The following ST7L variants were observed in gnomAD, a reference collection of about 807,000 sequenced individuals.
The protein encoded by ST7L is suppression of tumorigenicity 7 like, also known as suppressor of tumorigenicity 7 protein-like.
In ST7L, 57 loss-of-function variants were observed where a neutral mutation model predicts 72.5. The observed-to-expected ratio is 0.79, with a 90% CI of 0.64 to 0.98. The LOEUF is 0.98. ST7L is among the 50% of genes least tolerant of loss of function. The pLI is 0.00. For synonymous variants in ST7L, 221 were observed against 240.9 expected (o/e 0.92, Z 0.77); for missense variants, 576 against 672.2 (o/e 0.86, Z 1.58).
At position 112,558,616 on chromosome 1, in the gene ST7L, C is replaced by G. The variant is rs144231419; in HGVS notation, c.1246-2598G>C. 3.7e-4 allele frequency among the ~76,000 whole-genome samples: 57 copies of G among 152,292 alleles called. 2 individuals are homozygous for G. In the East Asian group the frequency reaches 0.01, roughly 27 times the overall value. On this transcript the variant is annotated intron_variant, in intron 11 of 14. Transcript: ENST00000358039. ...CATCAATTTATTTTACCAGATGTCACAAACTATGAGATTATTTACTAATCC... is the reference window on the plus strand; with the variant it reads ...CATCAATTTATTTTACCAGATGTCAGAAACTATGAGATTATTTACTAATCC...
intron 11 of ST7L, among the ~76,000 whole-genome samples, chr1:112,556,892 C>T (rs1659202204): frequency 7.0e-6 from 1 of 142,978 alleles, no homozygotes; most frequent in Non-Finnish European, 1.5e-5. Context: ...CACTTGAACC[C>T]GGGAGGCGGA....
At chr1:112,619,281 G>T, upstream of ST7L, 1 of 652,344 alleles carries the variant, frequency 1.5e-6, no homozygotes, top group South Asian at 1.9e-5. Context: ...CTCAAGATTG[G>T]GGCTACCTGT....
intron 6 of ST7L, among the ~76,000 whole-genome samples, chr1:112,589,589 T>C (rs1396364058): frequency 1.3e-5 from 2 of 152,234 alleles, no homozygotes; most frequent in Non-Finnish European, 2.9e-5. Context: ...TTATAAAATC[T>C]ATATTATCTG....
intron 3 of ST7L, among the ~76,000 whole-genome samples, chr1:112,609,509 CTA>C (rs1311565689): frequency 7.4e-6 from 1 of 134,662 alleles, no homozygotes; most frequent in Non-Finnish European, 1.6e-5. Flanking sequence ...CTAGCCTGGG[CTA>C]CAGAGACTTC....
chr1:112,579,401 C>CAA (rs1663740978), intron 9 of ST7L, among the ~76,000 whole-genome samples: 1 of 104,716 alleles, frequency 9.5e-6, no homozygotes, highest in African/African-American at 3.5e-5. Context: ...AAAAAAAAAA[C>CAA]AATAAAAAAA....
chr1:112,617,943 A>T, intron 1 of ST7L: 1 of 1,266,104 alleles, frequency 7.9e-7, no homozygotes, highest in Non-Finnish European at 1.0e-6. Flanking sequence ...TTAGAGTGCT[A>T]GTTATATTTG....
chr1:112,609,269 C>T (rs1438694732), intron 3 of ST7L, among the ~76,000 whole-genome samples: 4 of 152,146 alleles, frequency 2.6e-5, no homozygotes, highest in Non-Finnish European at 5.9e-5. Context: ...CAGTGGCTCA[C>T]GCCTGTAATC....
intron 14 of ST7L, among the ~76,000 whole-genome samples, chr1:112,536,037 G>T (rs1655154796): frequency 6.6e-6 from 1 of 152,106 alleles, no homozygotes; most frequent in Admixed American, 6.6e-5. Context: ...ATTTTGACCT[G>T]TCACACAATA....
intron 5 of ST7L, among the ~76,000 whole-genome samples, chr1:112,597,659 G>A (rs1666680592): frequency 6.6e-6 from 1 of 152,146 alleles, no homozygotes; most frequent in Non-Finnish European, 1.5e-5. Flanking sequence ...TCTATTTTAT[G>A]TATAATTGCA....
At chr1:112,570,328 T>G (rs533662126) in intron 11 of ST7L, among the ~76,000 whole-genome samples, 1 of 152,040 alleles carries the variant, frequency 6.6e-6, no homozygotes, top group South Asian at 2.1e-4. Flanking sequence ...TAAAAGCAAA[T>G]TCATTGCTTG....
intron 6 of ST7L, among the ~76,000 whole-genome samples, chr1:112,590,155 T>C (rs2101941123): frequency 6.6e-6 from 1 of 152,300 alleles, no homozygotes; most frequent in Non-Finnish European, 1.5e-5. Flanking sequence ...AAGCAAGCCC[T>C]TTGAGCTAGT....
At chr1:112,564,817 C>CAAAAAA in intron 11 of ST7L, among the ~76,000 whole-genome samples, 1 of 43,128 alleles carries the variant, frequency 2.3e-5, no homozygotes, top group Non-Finnish European at 6.0e-5. Context: ...AACTGCATCT[C>CAAAAAA]AAAAAAAAAA....
At chr1:112,553,094 AAAACAAAAC>A (rs1296984497) in intron 12 of ST7L, among the ~76,000 whole-genome samples, 4 of 151,998 alleles carry the variant, frequency 2.6e-5, no homozygotes, top group Non-Finnish European at 5.9e-5. Context: ...AGACTTAAAA[AAAACAAAAC>A]AAAACAAAAA....
At chr1:112,530,812 T>C (rs921941714) in intron 14 of ST7L, among the ~76,000 whole-genome samples, 34 of 152,176 alleles carry the variant, frequency 2.2e-4, no homozygotes, top group Non-Finnish European at 2.1e-4. Context: ...ATAGGAAATA[T>C]TTTTTCAGTT....
intron 11 of ST7L, chr1:112,570,876 C>T: frequency 2.4e-6 from 1 of 421,634 alleles, no homozygotes; most frequent in Non-Finnish European, 4.7e-6. Context: ...AAAGTTTTGG[C>T]TCACAAATCT....
At chr1:112,517,980 A>G in the ST7L span, 3,061 of 152,770 alleles carry the variant, frequency 0.02, 106 homozygotes, top group African/African-American at 0.069. Flanking sequence ...GAACAGACCA[A>G]TCTGCTGGGT....
At position 112,525,818 on chromosome 1, in the gene ST7L, TG is replaced by T; in HGVS notation, c.*194del. On this transcript the variant is annotated 3_prime_UTR_variant, in exon 15 of 15. Transcript: ENST00000358039. ...AAAGGAAGACAATTTCATCTACAGT[TG>T]TCCTTTTTGACAGCTTCCAAGGGGG... 1 of 626,964 alleles carries T rather than the reference TG, an allele frequency of 1.6e-6. No individual in the cohort carries two copies. Among genetic ancestry groups the T allele is most frequent in the South Asian group, 3.2e-5 (1 of 30,866 alleles). The allele number at this position is 626,964 out of a possible 1,614,324, so 38.8% of individuals were successfully genotyped here. A position where few individuals can be genotyped will look rare whatever the true frequency, so the allele number is the denominator to read the frequency against.
chr1:112,609,844 C>T (rs985241837), intron 3 of ST7L, among the ~76,000 whole-genome samples: 9 of 151,848 alleles, frequency 5.9e-5, no homozygotes, highest in Admixed American at 3.9e-4. Flanking sequence ...AATAAATTTG[C>T]GATTACTCGA....
At position 112,610,873 on chromosome 1, in the gene ST7L, CTG is replaced by C; in HGVS notation, c.417_418del (p.Asn139LysfsTer4). 2 of 1,614,140 alleles carry C rather than the reference CTG, an allele frequency of 1.2e-6. No individual in the cohort carries two copies. Among genetic ancestry groups the C allele is most frequent in the Non-Finnish European group, 1.7e-6 (2 of 1,180,014 alleles). On this transcript the variant is annotated frameshift_variant, in exon 3 of 15. Transcript: ENST00000358039. LOFTEE classifies it high-confidence loss of function. ...ATTCTGTCTGCTGGTTTCATTTTCT[CTG>C]TTCCTCGAAGGAGAACCTGGTTCTG... is the stretch of plus-strand genomic sequence containing the variant.
Sources: allele counts gnomAD v4.1 joint callset (sites outside exome capture counted in the v4.1 genomes callset), GRCh38; gene constraint gnomAD v4.1.1; transcripts MANE v1.5; gene names NCBI Gene and HGNC (gene_info 2026-07-23, HGNC 2026-07-21).